ALG9: variants seen among roughly 807,000 people sequenced by gnomAD.
The protein encoded by ALG9 is alpha-1,2-mannosyltransferase ALG9.
ALG9 carries 55 observed loss-of-function variants against 81.8 expected under a neutral mutation model. The ratio of observed to expected loss-of-function variants is 0.67; its 90% CI spans 0.54 to 0.84. ALG9 has a LOEUF of 0.84. Ranked by LOEUF, ALG9 falls within the 40% of genes least tolerant of loss-of-function variation. The pLI is 0.00. For missense variants in ALG9, 629 were observed against 745.0 expected, an observed-to-expected ratio of 0.84 and a Z score of 1.81; for synonymous variants, 278 against 274.3, an observed-to-expected ratio of 1.01 and a Z score of -0.13.
chr11:111,802,725 C>G (rs1243335988), intron 14 of ALG9, among the ~76,000 whole-genome samples: 3 of 152,152 alleles, frequency 2.0e-5, no homozygotes, highest in Non-Finnish European at 2.9e-5. Context: ...CACAGTGAAG[C>G]TGTAACTATA....
At chr11:111,827,636 G>T (rs1953579557) in intron 13 of ALG9, among the ~76,000 whole-genome samples, 1 of 152,032 alleles carries the variant, frequency 6.6e-6, no homozygotes, top group Non-Finnish European at 1.5e-5. Flanking sequence ...GGAGGCCAAG[G>T]CAGGTGGATC....
chr11:111,786,668 A>G, intron 14 of ALG9, 148 bp from the exon 15 acceptor site: 5 of 984,544 alleles, frequency 5.1e-6, no homozygotes, highest in Non-Finnish European at 7.4e-6. Context: ...TCGGTACTAG[A>G]TCACGATAAA....
chr11:111,841,497 T>C (rs1182986580), intron 9 of ALG9, among the ~76,000 whole-genome samples: 2 of 152,220 alleles, frequency 1.3e-5, no homozygotes, highest in Admixed American at 1.3e-4. Flanking sequence ...TAATGAACAC[T>C]AAAACCCAAG....
chr11:111,869,179 T>C (rs1281432210), intron 2 of ALG9, among the ~76,000 whole-genome samples: 9 of 152,230 alleles, frequency 5.9e-5, no homozygotes, highest in African/African-American at 1.2e-4. Flanking sequence ...TTTTACAAGA[T>C]TGCTGTTTGG....
chr11:111,802,444 T>C (rs907606834), intron 14 of ALG9, among the ~76,000 whole-genome samples: 1 of 152,174 alleles, frequency 6.6e-6, no homozygotes, highest in Non-Finnish European at 1.5e-5. Flanking sequence ...ACTCCACATA[T>C]GATTGCACTT....
At chr11:111,868,813 G>A in intron 2 of ALG9, 77 bp from the exon 3 acceptor site, 8 of 1,421,356 alleles carry the variant, frequency 5.6e-6, no homozygotes, top group Non-Finnish European at 7.5e-6. Flanking sequence ...TGAAGTTTCT[G>A]AGCAGAAATA....
intron 13 of ALG9, among the ~76,000 whole-genome samples, chr11:111,827,202 C>G (rs1953471636): frequency 1.3e-5 from 2 of 152,266 alleles, no homozygotes; most frequent in South Asian, 4.1e-4. Flanking sequence ...GATTGGTGGG[C>G]ACAGTGGCTC....
At chr11:111,774,865 C>T in the ALG9 span, among the ~76,000 whole-genome samples, 1 of 152,190 alleles carries the variant, frequency 6.6e-6, no homozygotes, top group Non-Finnish European at 1.5e-5. Flanking sequence ...CAGCTATTCC[C>T]TGTGTATCTC....
chr11:111,795,720 G>A (rs1182487979), intron 14 of ALG9, among the ~76,000 whole-genome samples: 1 of 152,242 alleles, frequency 6.6e-6, no homozygotes, highest in Non-Finnish European at 1.5e-5. Flanking sequence ...GGTATACAGA[G>A]TGGATCATTC....
downstream of ALG9, among the ~76,000 whole-genome samples, chr11:111,780,797 TA>T (rs1555056642): frequency 6.6e-6 from 1 of 152,174 alleles, no homozygotes; most frequent in Non-Finnish European, 1.5e-5. Flanking sequence ...TCATTGTCAA[TA>T]AAAATATACA....
intron 13 of ALG9, among the ~76,000 whole-genome samples, chr11:111,822,285 T>C (rs938553455): frequency 2.0e-5 from 3 of 150,768 alleles, no homozygotes; most frequent in African/African-American, 7.3e-5. Context: ...GGCACGTGCC[T>C]GTAGTTCCAG....
At chr11:111,809,222 G>A (rs1243309974) in intron 14 of ALG9, among the ~76,000 whole-genome samples, 1 of 152,104 alleles carries the variant, frequency 6.6e-6, no homozygotes, top group South Asian at 2.1e-4. Context: ...TCAGGAAACT[G>A]GGCCCAAATA....
chr11:111,864,457 G>A (rs1265748309), intron 4 of ALG9: 10 of 750,016 alleles, frequency 1.3e-5, no homozygotes, highest in Non-Finnish European at 2.2e-5. Context: ...GTTCTTTTTT[G>A]TAGTAAAATG....
chr11:111,788,706 T>C, intron 14 of ALG9: 1 of 339,602 alleles, frequency 2.9e-6, no homozygotes, highest in South Asian at 2.2e-5. Context: ...TGAGCTGTGA[T>C]CATGCCACTA....
Position 111,837,629 on chromosome 11 carries a change from CAGTT to C in ALG9, c.1325-18_1325-15del. 1 of 1,613,580 alleles carries C rather than the reference CAGTT, an allele frequency of 6.2e-7. No homozygotes were observed. Among genetic ancestry groups the C allele is most frequent in the Non-Finnish European group, 8.5e-7 (1 of 1,179,694 alleles). On this transcript the variant is annotated splice_polypyrimidine_tract_variant and intron_variant, in intron 11 of 14. Coordinates refer to ENST00000616540, the MANE Select transcript of ALG9 (RefSeq NM_024740.2). ...GCCCGTGATATCCTGGAAGGGAGAA[CAGTT>C]AGTGAGAGCCAGAGATGAGTAAGAT...
chr11:111,861,114 T>C (rs944455798), intron 4 of ALG9, among the ~76,000 whole-genome samples: 1 of 152,168 alleles, frequency 6.6e-6, no homozygotes. Context: ...GCTCAATAAA[T>C]GGTAGTTGTC....
chr11:111,796,293 A>G (rs1277078399), intron 14 of ALG9, among the ~76,000 whole-genome samples: 1 of 152,222 alleles, frequency 6.6e-6, no homozygotes, highest in African/African-American at 2.4e-5. Context: ...TCAACATGTA[A>G]TGTGGTTCTA....
chr11:111,837,619 G>T lies in ALG9; in HGVS notation c.1325-4C>A, dbSNP rs782523033. 1 of 1,613,864 alleles carries T rather than the reference G, an allele frequency of 6.2e-7. No homozygotes were observed. Among genetic ancestry groups the T allele is most frequent in the Non-Finnish European group, 8.5e-7 (1 of 1,179,830 alleles). ...AAATCAAGGGGCCCGTGATATCCTGGAAGGGAGAACAGTTAGTGAGAGCCA... is the reference window on the plus strand; with the variant it reads ...AAATCAAGGGGCCCGTGATATCCTGTAAGGGAGAACAGTTAGTGAGAGCCA... On this transcript the variant is annotated splice_polypyrimidine_tract_variant and splice_region_variant and intron_variant, in intron 11 of 14. Transcript: ENST00000616540.
At chr11:111,812,915 CA>C (rs57311061) in intron 13 of ALG9, among the ~76,000 whole-genome samples, 12 of 98,770 alleles carry the variant, frequency 1.2e-4, no homozygotes, top group South Asian at 3.3e-4. Flanking sequence ...GACTCTGTCT[CA>C]AAAAAAAAAA....
Sources: allele counts gnomAD v4.1 joint callset (sites outside exome capture counted in the v4.1 genomes callset), GRCh38; gene constraint gnomAD v4.1.1; transcripts MANE v1.5; gene names NCBI Gene and HGNC (gene_info 2026-07-23, HGNC 2026-07-21).